The following VPS25 variants were observed in gnomAD, a reference collection of about 807,000 sequenced individuals.
VPS25 encodes the protein vacuolar protein sorting 25 homolog, also known as vacuolar protein-sorting-associated protein 25.
A neutral mutation model predicts 30.3 loss-of-function variants in VPS25; 21 were observed. That is an observed-to-expected ratio of 0.69 (90% CI 0.49 to 1.00). The LOEUF (loss-of-function observed/expected upper bound fraction) is 1.00. Among genes scored for constraint, VPS25 ranks in the 50% least tolerant of loss-of-function variants. The probability of loss-of-function intolerance (pLI) is 0.00; values close to 1 mark genes in which losing one functional copy is unlikely to be tolerated. For missense variants in VPS25, 156 were observed against 217.2 expected, an observed-to-expected ratio of 0.72 and a Z score of 1.77; for synonymous variants, 101 against 88.1, an observed-to-expected ratio of 1.15 and a Z score of -0.82.
chr17:42,777,432 T>C (rs980099304), intron 5 of VPS25, among the ~76,000 whole-genome samples: 18 of 152,200 alleles, frequency 1.2e-4, no homozygotes, highest in African/African-American at 4.3e-4. Flanking sequence ...GGAGGATCGC[T>C]TGAACCCGAA....
intron 5 of VPS25, among the ~76,000 whole-genome samples, chr17:42,777,669 G>C (rs1375446241): frequency 6.6e-6 from 1 of 152,160 alleles, no homozygotes; most frequent in African/African-American, 2.4e-5. Context: ...TTCTTATAGA[G>C]GGCTCAAGAT....
In VPS25 at chr17:42,779,165, C is replaced by A; in HGVS notation, c.*96C>A. Reference sequence around the variant, plus strand: ...TCCCCCAAAGACTGGATCTGTGACTCCACCAGACTCAAAAGGACTCCAGTC... The same window carrying A: ...TCCCCCAAAGACTGGATCTGTGACTACACCAGACTCAAAAGGACTCCAGTC... On this transcript the variant is annotated 3_prime_UTR_variant, in exon 6 of 6. Coordinates refer to ENST00000253794, the MANE Select transcript of VPS25 (RefSeq NM_032353.4). The A allele has an allele frequency of 8.6e-7, 1 of 1,166,016 alleles. No homozygotes were observed. Among genetic ancestry groups the A allele is most frequent in the African/African-American group, 1.5e-5 (1 of 64,954 alleles). 72.2% of individuals were successfully genotyped at this position (1,166,016 alleles called of 1,614,324 possible).
chr17:42,773,657 T>C, intron 1 of VPS25, 76 bp from the exon 2 acceptor site: 1 of 1,605,206 alleles, frequency 6.2e-7, no homozygotes, highest in Non-Finnish European at 8.5e-7. Flanking sequence ...GTCCCTTACT[T>C]TCTTCCTGAA....
chr17:42,776,595 C>T (rs2054437054), intron 5 of VPS25, among the ~76,000 whole-genome samples: 1 of 151,450 alleles, frequency 6.6e-6, no homozygotes, highest in Admixed American at 6.6e-5. Context: ...AACTCCTAAC[C>T]TCGTGATCCG....
At chr17:42,777,958 T>C (rs1454281572) in intron 5 of VPS25, among the ~76,000 whole-genome samples, 1 of 152,032 alleles carries the variant, frequency 6.6e-6, no homozygotes, top group Non-Finnish European at 1.5e-5. Flanking sequence ...GGTCTCTGCT[T>C]GCTACTCCCA....
intron 2 of VPS25, 68 bp downstream of exon 2, chr17:42,773,946 GC>G (rs747734126): frequency 5.9e-6 from 9 of 1,525,576 alleles, no homozygotes; most frequent in Non-Finnish European, 7.9e-6. Flanking sequence ...ATGCCCAGAC[GC>G]CCCCCCGCGC....
intron 5 of VPS25, among the ~76,000 whole-genome samples, chr17:42,776,811 A>G (rs2054439401): frequency 6.6e-6 from 1 of 152,156 alleles, no homozygotes. Context: ...AGCCACCTGA[A>G]TTCACATGCA....
At position 42,779,498 on chromosome 17, in the gene VPS25, T is replaced by C; in HGVS notation, c.*429T>C. Reference sequence around the variant, plus strand: ...CCTAGGGGATGGGGGAAGCCCTGGCTGCAGGCAGCCTTCCAGGCAATATGA... The same window carrying C: ...CCTAGGGGATGGGGGAAGCCCTGGCCGCAGGCAGCCTTCCAGGCAATATGA... On this transcript the variant is annotated 3_prime_UTR_variant, in exon 6 of 6. Coordinates refer to ENST00000253794, the MANE Select transcript of VPS25 (RefSeq NM_032353.4). The C allele has an allele frequency of 5.8e-6, 1 of 172,386 alleles. No individual in the cohort carries two copies. The highest frequency in any genetic ancestry group is 1.4e-4 in the South Asian group (1 of 6,966). 10.7% of individuals were successfully genotyped at this position (172,386 alleles called of 1,614,324 possible). A position where few individuals can be genotyped will look rare whatever the true frequency, so the allele number is the denominator to read the frequency against.
chr17:42,774,363 T>C (rs896875898), intron 2 of VPS25: 10 of 351,708 alleles, frequency 2.8e-5, no homozygotes, highest in Admixed American at 9.3e-5. Flanking sequence ...TTCTAAAGCT[T>C]CTTTCTTTCT....
chr17:42,778,072 C>T lies in VPS25; in HGVS notation c.419-885C>T, dbSNP rs2054445906. ...AAGCAAGCTCCCTGACTTAGCTGAG[C>T]CCCCACAGGGGGTGAGGTAAGCAAG... On this transcript the variant is annotated intron_variant, in intron 5 of 5. Coordinates refer to ENST00000253794, the MANE Select transcript of VPS25 (RefSeq NM_032353.4). Among the ~76,000 whole-genome samples, 3 of 152,084 alleles carry T rather than the reference C, an allele frequency of 2.0e-5. 1 individual carries two copies. The highest frequency in any genetic ancestry group is 4.1e-4 in the South Asian group (2 of 4,834).
rs751510139 is a variant in VPS25 at position 42,773,824 on chromosome 17, A to C, written c.145A>C (p.Met49Leu). Residue 49 changes from methionine (M) to leucine (L), a missense_variant, in exon 2 of 6, where the codon ATG (methionine) becomes CTG (leucine). Physicochemically the swap from Met to Leu is conservative, Grantham distance 15. Transcript: ENST00000253794. ...CTGCCGCCTGCACAAACAGTCCAGC[A>C]TGACGGTGATGGAAGCTCAGGAGAG... ...SFCRLHKQSSMTVMEAQESPL... is the reference protein window; with the variant it reads ...SFCRLHKQSSLTVMEAQESPL... The C allele has an allele frequency of 1.9e-6, 3 of 1,614,112 alleles. No individual in the cohort carries two copies. In the South Asian group the frequency reaches 3.3e-5, roughly 18 times the overall value.
At chr17:42,773,565 C>T in intron 1 of VPS25, 37 bp downstream of exon 1, 2 of 1,614,012 alleles carry the variant, frequency 1.2e-6, no homozygotes, top group Non-Finnish European at 1.7e-6. Flanking sequence ...GCTGTGCCTC[C>T]CTCCCCTCCC....
intron 5 of VPS25, among the ~76,000 whole-genome samples, chr17:42,778,311 G>A (rs1336615776): frequency 6.6e-6 from 1 of 152,136 alleles, no homozygotes; most frequent in Non-Finnish European, 1.5e-5. Flanking sequence ...AGCCTCCTGA[G>A]TAGCTGGGAT....
chr17:42,775,410 T>G lies in VPS25; in HGVS notation c.283T>G (p.Ser95Ala). The G allele has an allele frequency of 1.9e-6, 3 of 1,614,076 alleles. No homozygotes were observed. The highest frequency in any genetic ancestry group is 2.5e-6 in the Non-Finnish European group (3 of 1,179,972). Residue 95 changes from serine (S) to alanine (A), a missense_variant, in exon 4 of 6, where the codon TCC becomes GCC. Transcript: ENST00000253794. ...GNLEWLDKSK[S>A]SFLIMWRRPE... is the part of the protein sequence containing the mutation. ...CCTCGAGTGGTTGGATAAGAGCAAG[T>G]CCAGCTTCCTGATCATGTGGCGGAG...
At chr17:42,777,001 T>C (rs1230629367) in intron 5 of VPS25, among the ~76,000 whole-genome samples, 1 of 151,774 alleles carries the variant, frequency 6.6e-6, no homozygotes, top group African/African-American at 2.4e-5. Context: ...GGAGGATTGC[T>C]TGAGGTCAGG....
chr17:42,777,508 C>T lies in VPS25; in HGVS notation c.418+1188C>T, dbSNP rs567218055. 4.6e-5 allele frequency among the ~76,000 whole-genome samples: 7 copies of T among 152,172 alleles called. No homozygotes were observed. The South Asian group carries it at 8.3e-4, about 18-fold the overall frequency. On this transcript the variant is annotated intron_variant, in intron 5 of 5. Coordinates refer to ENST00000253794, the MANE Select transcript of VPS25 (RefSeq NM_032353.4). Reference sequence around the variant, plus strand: ...TAGTCTGGATGACAGAGCGAGACTCCGTCTCAGAAAATAAAAATAATAACA... The same window carrying T: ...TAGTCTGGATGACAGAGCGAGACTCTGTCTCAGAAAATAAAAATAATAACA...
chr17:42,774,961 ATCTT>A (rs1293924674), intron 3 of VPS25: 6 of 407,162 alleles, frequency 1.5e-5, no homozygotes, highest in African/African-American at 8.1e-5. Context: ...TAAATATTGA[ATCTT>A]TCTTTCTGAA....
chr17:42,778,814 G>A lies in VPS25; in HGVS notation c.419-143G>A, dbSNP rs1597890927. 13 of 632,744 alleles carry A rather than the reference G, an allele frequency of 2.1e-5. No homozygotes were observed. In the East Asian group the frequency reaches 3.1e-4, roughly 15 times the overall value. The allele number at this position is 632,744 out of a possible 1,614,324, so 39.2% of individuals were successfully genotyped here. On this transcript the variant is annotated intron_variant, in intron 5 of 5. Coordinates refer to ENST00000253794, the MANE Select transcript of VPS25 (RefSeq NM_032353.4). Reference sequence around the variant, plus strand: ...ACCCCTTACTCCTAAGGAGTGCCTGGGAAGTGTGGATGGCAGCTGTAGCAG... The same window carrying A: ...ACCCCTTACTCCTAAGGAGTGCCTGAGAAGTGTGGATGGCAGCTGTAGCAG...
chr17:42,775,237 A>G, intron 3 of VPS25, 144 bp from the exon 4 acceptor site: 1 of 600,140 alleles, frequency 1.7e-6, no homozygotes, highest in East Asian at 2.9e-5. Flanking sequence ...TATAGAGAGA[A>G]TTTTTTTGTA....
Sources: allele counts gnomAD v4.1 joint callset (sites outside exome capture counted in the v4.1 genomes callset), GRCh38; gene constraint gnomAD v4.1.1; transcripts MANE v1.5; gene names NCBI Gene and HGNC (gene_info 2026-07-23, HGNC 2026-07-21).